Variants in MBD5 observed in about 807,000 individuals in gnomAD.
MBD5 encodes the protein methyl-CpG binding domain protein 5.
Under a neutral mutation model 117.3 loss-of-function variants are expected in MBD5, and 13 were observed. The ratio of observed to expected loss-of-function variants is 0.11; its 90% CI spans 0.07 to 0.18. MBD5 has a LOEUF of 0.18. Among genes scored for constraint, MBD5 ranks in the 10% least tolerant of loss-of-function variants. The pLI is 1.00. For missense variants in MBD5, 1,879 were observed against 2,093.8 expected (o/e 0.90, Z 2.00); for synonymous variants, 727 against 766.4 (o/e 0.95, Z 0.85).
At chr2:148,063,166 A>G (rs1695087509) in intron 1 of MBD5, among the ~76,000 whole-genome samples, 1 of 152,120 alleles carries the variant, frequency 6.6e-6, no homozygotes, top group Admixed American at 6.5e-5. Flanking sequence ...TTACTTTTAT[A>G]ATTTCCTTTA....
chr2:148,303,931 G>A (rs949679), intron 3 of MBD5, among the ~76,000 whole-genome samples: 41,867 of 152,036 alleles, frequency 0.28, 6,571 homozygotes, highest in Admixed American at 0.37. Context: ...AAGCTCAAAA[G>A]AAACCTTTAA....
intron 2 of MBD5, among the ~76,000 whole-genome samples, chr2:148,222,724 A>G (rs181942638): frequency 6.6e-6 from 1 of 152,126 alleles, no homozygotes; most frequent in East Asian, 1.9e-4. Context: ...GCAAACAAGG[A>G]TAATTTGACT....
chr2:148,407,364 G>A (rs892849668), intron 4 of MBD5, among the ~76,000 whole-genome samples: 3 of 151,538 alleles, frequency 2.0e-5, no homozygotes, highest in African/African-American at 7.3e-5. Flanking sequence ...GTGTGTGTGT[G>A]TGTGTTTGTG....
At chr2:148,140,474 A>AAAT (rs1697286455) in intron 1 of MBD5, among the ~76,000 whole-genome samples, 1 of 152,202 alleles carries the variant, frequency 6.6e-6, no homozygotes, top group Admixed American at 6.5e-5. Flanking sequence ...GTAGTTAACT[A>AAAT]GTCACAATTC....
In MBD5 at chr2:148,296,960, C is replaced by T. The variant is rs543290207; in HGVS notation, c.-679-45254C>T. ...CACAATTTTGGCTCACTGCAACCTCCGCATCCCAGGTTCAAGCAGTTCTCG... is the reference window on the plus strand; with the variant it reads ...CACAATTTTGGCTCACTGCAACCTCTGCATCCCAGGTTCAAGCAGTTCTCG... On this transcript the variant is annotated intron_variant, in intron 3 of 13. Transcript: ENST00000642680. Among the ~76,000 whole-genome samples the T allele has an allele frequency of 3.3e-4, 45 of 137,444 alleles. 1 individual carries two copies. The highest frequency in any genetic ancestry group is 1.9e-3 in the Admixed American group (23 of 11,932). 90.2% of individuals were successfully genotyped at this position (137,444 alleles called of 152,430 possible).
chr2:148,133,534 C>A (rs1697099545), intron 1 of MBD5, among the ~76,000 whole-genome samples: 1 of 152,058 alleles, frequency 6.6e-6, no homozygotes, highest in South Asian at 2.1e-4. Flanking sequence ...TTAAATAAAA[C>A]CATACTAGGC....
chr2:148,226,163 G>A (rs1699812858), intron 2 of MBD5, among the ~76,000 whole-genome samples: 1 of 151,402 alleles, frequency 6.6e-6, no homozygotes, highest in Non-Finnish European at 1.5e-5. Flanking sequence ...TGCACAATGT[G>A]CAGGTTTGTT....
At chr2:148,197,428 G>T (rs780604168) in intron 2 of MBD5, among the ~76,000 whole-genome samples, 6 of 152,280 alleles carry the variant, frequency 3.9e-5, no homozygotes, top group East Asian at 1.9e-4. Flanking sequence ...ACAAAAAAAG[G>T]TTCTGTTTCC....
intron 12 of MBD5, among the ~76,000 whole-genome samples, chr2:148,505,557 T>C (rs1188084018): frequency 1.3e-5 from 2 of 151,942 alleles, no homozygotes; most frequent in African/African-American, 4.8e-5. Flanking sequence ...ATTGGGCAAT[T>C]TGAAGGTCAC....
chr2:148,349,094 G>A (rs2105216810), intron 4 of MBD5, among the ~76,000 whole-genome samples: 1 of 151,852 alleles, frequency 6.6e-6, no homozygotes, highest in South Asian at 2.1e-4. Flanking sequence ...GAGATTTTAT[G>A]TTTTATCAAG....
intron 8 of MBD5, among the ~76,000 whole-genome samples, chr2:148,477,262 C>G (rs907231778): frequency 2.2e-4 from 33 of 152,244 alleles, no homozygotes; most frequent in African/African-American, 7.7e-4. Flanking sequence ...GCTCTTTTCT[C>G]CTCCCCATCC....
At chr2:148,339,618 A>G (rs1702886083) in intron 3 of MBD5, among the ~76,000 whole-genome samples, 1 of 152,116 alleles carries the variant, frequency 6.6e-6, no homozygotes, top group Non-Finnish European at 1.5e-5. Context: ...GCAGAAGGCC[A>G]TCCAAGCACT....
At chr2:148,188,730 T>C (rs1418888540) in intron 2 of MBD5, among the ~76,000 whole-genome samples, 1 of 146,854 alleles carries the variant, frequency 6.8e-6, no homozygotes, top group Non-Finnish European at 1.5e-5. Context: ...AAGACAACAT[T>C]AAAAATAAAA....
At chr2:148,133,606 C>T (rs1390242776) in intron 1 of MBD5, among the ~76,000 whole-genome samples, 1 of 152,152 alleles carries the variant, frequency 6.6e-6, no homozygotes, top group Non-Finnish European at 1.5e-5. Flanking sequence ...GGTGGATCAC[C>T]TGAGGTCAGG....
rs1468506750 is a variant in MBD5, at chr2:148,202,690, T to C, written c.-831+23897T>C. Among the ~76,000 whole-genome samples the C allele has an allele frequency of 2.6e-5, 4 of 152,166 alleles. No individual in the cohort carries two copies. In the East Asian group the frequency reaches 7.7e-4, roughly 29 times the overall value. On this transcript the variant is annotated intron_variant, in intron 2 of 13. Coordinates refer to ENST00000642680, the MANE Select transcript of MBD5 (RefSeq NM_001378120.1). ...ACATCTTTGGAACATATATTGGATT[T>C]TTTTAGAGGTAACTTCAATGGTAAA...
Position 148,468,409 on chromosome 2 carries a change from A to G in MBD5, c.466A>G (p.Ile156Val), listed in dbSNP as rs559020979. 3 of 1,613,774 alleles carry G rather than the reference A, an allele frequency of 1.9e-6. No homozygotes were observed. ...AGTAAGAAATAAGTCTCATGAAGGA[A>G]TTACAAATTCTGTAATGCCTGAATG... The part of the protein sequence containing the change: ...RSVRNKSHEG[I>V]TNSVMPECKN... Residue 156 changes from isoleucine (I) to valine (V), a missense_variant, in exon 8 of 14, where the codon ATT becomes GTT. Ile to Val is a conservative substitution (Grantham distance 29). Transcript: ENST00000642680.
At chr2:148,279,969 T>C (rs1423197239) in intron 3 of MBD5, among the ~76,000 whole-genome samples, 1 of 151,886 alleles carries the variant, frequency 6.6e-6, no homozygotes, top group African/African-American at 2.4e-5. Context: ...TTTAACCATT[T>C]TATTGTGGTT....
chr2:148,124,915 A>G (rs116824291), intron 1 of MBD5, among the ~76,000 whole-genome samples: 2,002 of 151,190 alleles, frequency 0.013, 31 homozygotes, highest in African/African-American at 0.046. Flanking sequence ...TAATGTATCA[A>G]AGAAAATATA....
intron 4 of MBD5, among the ~76,000 whole-genome samples, chr2:148,440,259 C>T (rs1706279094): frequency 1.3e-5 from 2 of 152,140 alleles, no homozygotes; most frequent in African/African-American, 4.8e-5. Flanking sequence ...AGTTATAAAA[C>T]TAGAAAATTG....
Sources: gnomAD v4.1 joint callset for allele counts (sites outside exome capture counted in the v4.1 genomes callset) on GRCh38, gnomAD v4.1.1 for gene constraint, MANE v1.5 for transcripts, NCBI Gene and HGNC (gene_info 2026-07-23, HGNC 2026-07-21) for gene names.